CCDC171: variants seen among roughly 807,000 people sequenced by gnomAD.
CCDC171 encodes the protein coiled-coil domain containing 171.
Under a neutral mutation model 168.2 loss-of-function variants are expected in CCDC171, and 177 were observed. That is an observed-to-expected ratio of 1.05 (90% CI 0.93 to 1.19). CCDC171 has a LOEUF of 1.19. Ranked by LOEUF, CCDC171 falls within the 50% of genes most tolerant of loss-of-function variation. CCDC171 has a pLI of 0.00. For synonymous variants in CCDC171, 687 were observed against 540.8 expected, an observed-to-expected ratio of 1.27 and a Z score of -3.75; for missense variants, 1,991 against 1,539.0, an observed-to-expected ratio of 1.29 and a Z score of -4.91.
rs1021276425 is a variant in CCDC171 at position 15,699,103 on chromosome 9, A to T, written c.1318+3766A>T. Among the ~76,000 whole-genome samples the T allele has an allele frequency of 9.9e-5, 15 of 152,206 alleles. No homozygotes were observed. The South Asian group carries it at 2.1e-3, about 21-fold the overall frequency. On this transcript the variant is annotated intron_variant, in intron 11 of 25. Coordinates refer to ENST00000380701, the MANE Select transcript of CCDC171 (RefSeq NM_173550.4). ...TGCGGTGAGCGTTAACAGTTCTTGAAGGCAGCGTGTCCAGAGTTTGTTCCT... is the reference window on the plus strand; with the variant it reads ...TGCGGTGAGCGTTAACAGTTCTTGATGGCAGCGTGTCCAGAGTTTGTTCCT...
intron 21 of CCDC171, among the ~76,000 whole-genome samples, chr9:15,838,288 A>G (rs1211898119): frequency 6.6e-6 from 1 of 152,180 alleles, no homozygotes; most frequent in East Asian, 1.9e-4. Context: ...ATATCATTGT[A>G]TCTTTTACTC....
chr9:15,847,591 C>G (rs1450213404), intron 22 of CCDC171, among the ~76,000 whole-genome samples: 1 of 151,958 alleles, frequency 6.6e-6, no homozygotes, highest in East Asian at 1.9e-4. Context: ...TAAAGAAAAT[C>G]TATTTTCAAG....
chr9:15,790,816 G>A (rs1249037145), intron 21 of CCDC171, among the ~76,000 whole-genome samples: 5 of 152,082 alleles, frequency 3.3e-5, no homozygotes, highest in African/African-American at 1.2e-4. Context: ...TCTACGTATG[G>A]CTAGCCAGTT....
intron 18 of CCDC171, among the ~76,000 whole-genome samples, chr9:15,747,421 C>T (rs1293175775): frequency 1.3e-5 from 2 of 152,200 alleles, no homozygotes; most frequent in African/African-American, 2.4e-5. Flanking sequence ...ACTGCATCCT[C>T]AAGTGGGTCC....
intron 3 of CCDC171, among the ~76,000 whole-genome samples, chr9:15,578,310 C>T (rs1264253268): frequency 6.6e-6 from 1 of 150,660 alleles, no homozygotes; most frequent in African/African-American, 2.4e-5. Context: ...TCTCTGCTCA[C>T]TGCAACCTCT....
In CCDC171 at chr9:16,035,950, T is replaced by C. The variant is rs147688713; in HGVS notation, n.1068-143T>C. The C allele has an allele frequency of 2.0e-5, 3 of 152,326 alleles. No homozygotes were observed. The East Asian group carries it at 5.8e-4, about 29-fold the overall frequency. 9.4% of individuals were successfully genotyped at this position (152,326 alleles called of 1,614,324 possible). ...TTCCCTGGTTACAACAGCTGACTCT[T>C]ACCTTTAATAATTTTGTGCCCACAG... On this transcript the variant is annotated intron_variant and non_coding_transcript_variant, in intron 7 of 9. Coordinates refer to the CCDC171 transcript ENST00000486641.
chr9:15,654,431 T>G (rs1226480528), intron 7 of CCDC171, among the ~76,000 whole-genome samples: 1 of 152,172 alleles, frequency 6.6e-6, no homozygotes, highest in East Asian at 1.9e-4. Context: ...AAGGGATGTT[T>G]GTGTTTATGC....
At chr9:15,775,598 G>A (rs899841161) in intron 18 of CCDC171, among the ~76,000 whole-genome samples, 1 of 152,300 alleles carries the variant, frequency 6.6e-6, no homozygotes, top group African/African-American at 2.4e-5. Flanking sequence ...GATTACAGGA[G>A]TGAGCCACTG....
chr9:15,561,790 A>G (rs997806741), intron 1 of CCDC171, among the ~76,000 whole-genome samples: 4 of 152,024 alleles, frequency 2.6e-5, no homozygotes, highest in African/African-American at 4.8e-5. Context: ...TCTCTGTGTC[A>G]TCAGGGGCTG....
At position 15,779,623 on chromosome 9, in the gene CCDC171, G is replaced by A. The variant is rs187729474; in HGVS notation, c.3081+473G>A. 5.5e-3 allele frequency among the ~76,000 whole-genome samples: 830 copies of A among 152,256 alleles called. 7 individuals carry two copies. The highest frequency in any genetic ancestry group is 8.6e-3 in the Non-Finnish European group (585 of 68,022). On this transcript the variant is annotated intron_variant, in intron 20 of 25. Coordinates refer to ENST00000380701, the MANE Select transcript of CCDC171 (RefSeq NM_173550.4). ...GATCTGCCCACCTCAGCCTCCCAAA[G>A]TGCTGGGATTACAGGTGTGAGCCAC... is the stretch of plus-strand genomic sequence containing the variant.
intron 18 of CCDC171, among the ~76,000 whole-genome samples, chr9:15,762,155 C>CTTTTT (rs763343953): frequency 8.1e-6 from 1 of 122,718 alleles, no homozygotes; most frequent in Non-Finnish European, 1.7e-5. Flanking sequence ...GAGCCTGAAG[C>CTTTTT]TTTTTTTTTT....
intron 23 of CCDC171, among the ~76,000 whole-genome samples, chr9:15,872,498 T>C (rs1256694924): frequency 1.3e-5 from 2 of 152,048 alleles, no homozygotes; most frequent in African/African-American, 4.8e-5. Context: ...TTATGGTTTT[T>C]TTCCCCTCTC....
the CCDC171 span, among the ~76,000 whole-genome samples, chr9:16,083,739 T>A: frequency 4.9e-3 from 750 of 152,304 alleles, 2 homozygotes; most frequent in Middle Eastern, 0.01. Context: ...TCCAGTGGTG[T>A]TAGCTCCCCT....
intron 8 of CCDC171, among the ~76,000 whole-genome samples, chr9:15,664,153 A>G (rs2048539397): frequency 6.6e-6 from 1 of 152,148 alleles, no homozygotes. Context: ...CTATTACTTA[A>G]TGGGTACAGT....
intron 21 of CCDC171, among the ~76,000 whole-genome samples, chr9:15,825,196 A>C (rs2059961282): frequency 6.6e-6 from 1 of 152,130 alleles, no homozygotes; most frequent in Non-Finnish European, 1.5e-5. Flanking sequence ...TGTTTGTGGA[A>C]TTTAGATTGC....
downstream of CCDC171, among the ~76,000 whole-genome samples, chr9:15,978,915 CT>C (rs1420512150): frequency 2.6e-5 from 4 of 152,146 alleles, no homozygotes; most frequent in African/African-American, 7.2e-5. Context: ...CCTCTATCCC[CT>C]GGTGACCATA....
chr9:16,054,688 T>G (rs1243353341), intron 1 of CCDC171, among the ~76,000 whole-genome samples: 1 of 152,220 alleles, frequency 6.6e-6, no homozygotes, highest in African/African-American at 2.4e-5. Flanking sequence ...ATTTAAACAT[T>G]TCCTCCAGGG....
intron 9 of CCDC171, among the ~76,000 whole-genome samples, chr9:15,667,641 A>G (rs1037211615): frequency 6.6e-6 from 1 of 152,108 alleles, no homozygotes; most frequent in Non-Finnish European, 1.5e-5. Context: ...GGGAGACTGC[A>G]TCTCAAAAAA....
the CCDC171 span, among the ~76,000 whole-genome samples, chr9:16,099,999 A>C: frequency 7.6e-6 from 1 of 131,122 alleles, no homozygotes; most frequent in Non-Finnish European, 1.6e-5. Flanking sequence ...GATAGCTTTC[A>C]AGTTAAAAAA....
Sources: allele counts gnomAD v4.1 joint callset (sites outside exome capture counted in the v4.1 genomes callset), GRCh38; gene constraint gnomAD v4.1.1; transcripts MANE v1.5; gene names NCBI Gene and HGNC (gene_info 2026-07-23, HGNC 2026-07-21).